Variants in DPP10 observed in about 807,000 individuals in gnomAD.
The protein encoded by DPP10 is dipeptidyl peptidase like 10.
Under a neutral mutation model 120.9 loss-of-function variants are expected in DPP10, and 33 were observed. The observed-to-expected ratio is 0.27, with a 90% confidence interval of 0.21 to 0.37. The LOEUF is 0.37. Among genes scored for constraint, DPP10 ranks in the 10% least tolerant of loss-of-function variants. The pLI, the probability that DPP10 is intolerant of heterozygous loss-of-function variation, is 1.00. For missense variants in DPP10, 816 were observed against 942.8 expected (o/e 0.87, Z 1.76); for synonymous variants, 337 against 326.1 (o/e 1.03, Z -0.36).
At chr2:115,066,094 C>T (rs1474624984) in intron 1 of DPP10, among the ~76,000 whole-genome samples, 1 of 152,066 alleles carries the variant, frequency 6.6e-6, no homozygotes, top group Non-Finnish European at 1.5e-5. Context: ...CACGTTATTG[C>T]CTAAGATAAA....
At chr2:115,130,792 C>G (rs1053819201) in intron 1 of DPP10, 1 of 152,188 alleles carries the variant, frequency 6.6e-6, no homozygotes, top group Admixed American at 6.6e-5. Flanking sequence ...AAAAGTCTTT[C>G]TCAACTCCTA....
intron 1 of DPP10, among the ~76,000 whole-genome samples, chr2:115,100,518 A>G (rs1266772956): frequency 6.6e-6 from 1 of 152,148 alleles, no homozygotes; most frequent in South Asian, 2.1e-4. Flanking sequence ...AGAATTATAT[A>G]TATACACACA....
intron 5 of DPP10, among the ~76,000 whole-genome samples, chr2:115,667,676 C>T (rs1227666429): frequency 1.3e-5 from 2 of 151,878 alleles, no homozygotes; most frequent in Non-Finnish European, 2.9e-5. Context: ...TTTTCTTTTA[C>T]GTGTTCCATT....
chr2:114,789,258 CAG>C (rs1310701229), intron 1 of DPP10, among the ~76,000 whole-genome samples: 2 of 152,116 alleles, frequency 1.3e-5, no homozygotes, highest in African/African-American at 4.8e-5. Context: ...ACCAGAGTAA[CAG>C]GGGAATATAT....
chr2:115,170,253 C>G (rs1405109861), intron 1 of DPP10, among the ~76,000 whole-genome samples: 1 of 151,948 alleles, frequency 6.6e-6, no homozygotes, highest in Non-Finnish European at 1.5e-5. Flanking sequence ...AAACATGGCT[C>G]TTTTTTTTCA....
chr2:115,755,394 G>A (rs970915279), intron 11 of DPP10, among the ~76,000 whole-genome samples: 1 of 151,998 alleles, frequency 6.6e-6, no homozygotes, highest in African/African-American at 2.4e-5. Context: ...TTCAACAAAT[G>A]CATCAGAACA....
At chr2:115,039,593 A>G (rs2105290594) in intron 1 of DPP10, among the ~76,000 whole-genome samples, 1 of 152,066 alleles carries the variant, frequency 6.6e-6, no homozygotes, top group East Asian at 2.0e-4. Flanking sequence ...TCCCTCAGTC[A>G]GTGACATTAT....
At chr2:114,443,699 GA>G (rs5833543) in intron 1 of DPP10, among the ~76,000 whole-genome samples, 68,752 of 138,592 alleles carry the variant, frequency 0.5, 16,174 homozygotes, top group Middle Eastern at 0.66. Context: ...ACTCTTTTAT[GA>G]AAAAAAAAAA....
chr2:115,311,754 G>A (rs1266011361), intron 2 of DPP10, among the ~76,000 whole-genome samples: 4 of 152,102 alleles, frequency 2.6e-5, no homozygotes, highest in African/African-American at 9.6e-5. Context: ...AATAGAAGTG[G>A]CATTTATTTA....
At chr2:115,566,127 T>C (rs6740081) in intron 5 of DPP10, among the ~76,000 whole-genome samples, 95,012 of 152,042 alleles carry the variant, frequency 0.62, 30,434 homozygotes, top group Middle Eastern at 0.76. Context: ...CGAAGTGATA[T>C]TGTGTTTTTC....
chr2:115,041,315 T>G (rs2105300276), intron 1 of DPP10, among the ~76,000 whole-genome samples: 1 of 152,204 alleles, frequency 6.6e-6, no homozygotes, highest in Admixed American at 6.5e-5. Context: ...TTTAACTAAA[T>G]TTCAAGGGAT....
At chr2:114,648,738 T>C (rs76913166) in intron 1 of DPP10, among the ~76,000 whole-genome samples, 3 of 152,300 alleles carry the variant, frequency 2.0e-5, no homozygotes, top group Non-Finnish European at 2.9e-5. Flanking sequence ...GTCCAAAACA[T>C]CTGCATCAGG....
At chr2:115,003,053 C>G (rs761693123) in intron 1 of DPP10, among the ~76,000 whole-genome samples, 18 of 151,562 alleles carry the variant, frequency 1.2e-4, no homozygotes, top group Non-Finnish European at 1.5e-5. Flanking sequence ...CATAAAGGAA[C>G]ATACATCTGT....
At chr2:114,448,027 G>A (rs1337703656) in intron 1 of DPP10, among the ~76,000 whole-genome samples, 2 of 151,988 alleles carry the variant, frequency 1.3e-5, no homozygotes, top group Non-Finnish European at 1.5e-5. Context: ...TTATGGCCAA[G>A]TATTTAAATC....
In DPP10 at chr2:115,639,070, G is replaced by T. The variant is rs191020985; in HGVS notation, c.442-50617G>T. Among the ~76,000 whole-genome samples the T allele has an allele frequency of 2.0e-5, 3 of 152,286 alleles. No individual in the cohort carries two copies. In the East Asian group the frequency reaches 5.8e-4, roughly 29 times the overall value. On this transcript the variant is annotated intron_variant, in intron 5 of 25. Transcript: ENST00000410059. ...TGAGTCCACAGCCAAATGCCCAGTGGTAGGTTTGGGGCCACCATTAGTCAG... is the reference window on the plus strand; with the variant it reads ...TGAGTCCACAGCCAAATGCCCAGTGTTAGGTTTGGGGCCACCATTAGTCAG...
At chr2:115,095,644 A>G (rs1709675846) in intron 1 of DPP10, among the ~76,000 whole-genome samples, 1 of 145,162 alleles carries the variant, frequency 6.9e-6, no homozygotes, top group Non-Finnish European at 1.5e-5. Flanking sequence ...CAGTGGCACT[A>G]TCTTGGCTCA....
At chr2:115,663,182 A>G (rs1480247894) in intron 5 of DPP10, among the ~76,000 whole-genome samples, 1 of 152,110 alleles carries the variant, frequency 6.6e-6, no homozygotes, top group African/African-American at 2.4e-5. Flanking sequence ...TAAAATAATG[A>G]AAAAAATGCA....
intron 3 of DPP10, among the ~76,000 whole-genome samples, chr2:115,388,984 A>G (rs1464709353): frequency 6.6e-6 from 1 of 152,200 alleles, no homozygotes; most frequent in African/African-American, 2.4e-5. Context: ...CAAAAGTAAT[A>G]AAACACACAA....
At chr2:115,287,101 C>T (rs959225691) in intron 1 of DPP10, among the ~76,000 whole-genome samples, 4 of 151,918 alleles carry the variant, frequency 2.6e-5, no homozygotes, top group Non-Finnish European at 5.9e-5. Context: ...GTAGAGTTAA[C>T]ATTCTTGAGA....
Sources: gnomAD v4.1 joint callset for allele counts (sites outside exome capture counted in the v4.1 genomes callset) on GRCh38, gnomAD v4.1.1 for gene constraint, MANE v1.5 for transcripts, NCBI Gene and HGNC (gene_info 2026-07-23, HGNC 2026-07-21) for gene names.